The following SPATA21 variants were observed in gnomAD, a reference collection of about 807,000 sequenced individuals.
SPATA21 encodes spermatogenesis associated 21.
In SPATA21, 47 loss-of-function variants were observed where a neutral mutation model predicts 54.8. The ratio of observed to expected loss-of-function variants is 0.86; its 90% confidence interval spans 0.68 to 1.09. The LOEUF is 1.09. Among genes scored for constraint, SPATA21 ranks in the 50% least tolerant of loss-of-function variants. SPATA21 has a pLI of 0.00. For synonymous variants in SPATA21, 245 were observed against 235.3 expected (o/e 1.04, Z -0.38); for missense variants, 599 against 596.4 (o/e 1.00, Z -0.05).
chr1:16,420,602 C>T (rs78003848), intron 5 of SPATA21, among the ~76,000 whole-genome samples: 3,583 of 151,872 alleles, frequency 0.024, 133 homozygotes, highest in African/African-American at 0.079. Flanking sequence ...CCTGTAGTAA[C>T]GCAGAGAGGG....
At chr1:16,412,616 C>T (rs370934119) in intron 5 of SPATA21, among the ~76,000 whole-genome samples, 1 of 152,026 alleles carries the variant, frequency 6.6e-6, no homozygotes, top group East Asian at 1.9e-4. Flanking sequence ...GTGTGTACCA[C>T]CATGCCCGGC....
intron 5 of SPATA21, among the ~76,000 whole-genome samples, chr1:16,412,779 C>T (rs575317482): frequency 5.2e-4 from 79 of 150,876 alleles, no homozygotes; most frequent in Non-Finnish European, 6.3e-4. Flanking sequence ...ACCAACTTAA[C>T]GATTTTCTTT....
intron 5 of SPATA21, among the ~76,000 whole-genome samples, chr1:16,412,594 C>G (rs960198898): frequency 1.3e-5 from 2 of 152,058 alleles, no homozygotes; most frequent in Admixed American, 6.6e-5. Context: ...TCCCAAGTAG[C>G]TGGGATCACA....
intron 3 of SPATA21, among the ~76,000 whole-genome samples, chr1:16,423,862 CAT>C (rs1213115539): frequency 6.6e-6 from 1 of 151,936 alleles, no homozygotes; most frequent in Non-Finnish European, 1.5e-5. Context: ...CTCAAATAGT[CAT>C]GTGGAGTGAA....
chr1:16,431,284 T>G, intron 3 of SPATA21, 54 bp downstream of exon 3: 1 of 1,614,058 alleles, frequency 6.2e-7, no homozygotes, highest in Admixed American at 1.7e-5. Context: ...CCAGCCCTCT[T>G]TATGGTGATC....
At chr1:16,423,027 C>A (rs1024553130) in intron 3 of SPATA21, among the ~76,000 whole-genome samples, 1 of 151,632 alleles carries the variant, frequency 6.6e-6, no homozygotes, top group Non-Finnish European at 1.5e-5. Flanking sequence ...CATGGTGGCT[C>A]ATGTCTGTAA....
Position 16,421,250 on chromosome 1 carries a change from A to T in SPATA21, c.144+259T>A, listed in dbSNP as rs560884122. Among the ~76,000 whole-genome samples the T allele has an allele frequency of 8.9e-4, 135 of 152,196 alleles. 1 individual carries two copies. The highest frequency in any genetic ancestry group is 7.5e-4 in the Non-Finnish European group (51 of 67,984). ...GTGGAACAAGCCACCACCTGGGATG[A>T]ACCCAAGGGCTCCAGAGTGTAAGAG... On this transcript the variant is annotated intron_variant, in intron 5 of 12. Transcript: ENST00000335496. This position sits in a 1 kb window ranked among gnomAD's most constrained non-coding sequence, Gnocchi z 5.2.
chr1:16,398,728 G>A lies in SPATA21; in HGVS notation c.*37C>T. ...TGCCTGGTGGCCCATCTGTCTACAG[G>A]CCTTGAGCAGCTGCCTAGAGTCAGG... On this transcript the variant is annotated 3_prime_UTR_variant, in exon 13 of 13. Transcript: ENST00000335496. 4 of 1,612,806 alleles carry A rather than the reference G, an allele frequency of 2.5e-6. No individual in the cohort carries two copies. The highest frequency in any genetic ancestry group is 3.4e-6 in the Non-Finnish European group (4 of 1,178,922).
At chr1:16,431,987 A>G (rs1018157116) in intron 2 of SPATA21, among the ~76,000 whole-genome samples, 3 of 152,172 alleles carry the variant, frequency 2.0e-5, no homozygotes, top group Admixed American at 2.0e-4. Context: ...AACAAGAACT[A>G]GGGACATCTG....
chr1:16,400,048 CAG>C (rs1208946965), intron 11 of SPATA21, among the ~76,000 whole-genome samples: 1 of 151,042 alleles, frequency 6.6e-6, no homozygotes, highest in Non-Finnish European at 1.5e-5. Context: ...TTTTTTGAGA[CAG>C]AGTTTTGCTC....
chr1:16,437,050 G>A (rs1245012284), intron 1 of SPATA21, 78 bp downstream of exon 1: 1 of 152,138 alleles, frequency 6.6e-6, no homozygotes, highest in Non-Finnish European at 1.5e-5. Context: ...ATAAAGATAA[G>A]TGGCATATCA....
At chr1:16,411,809 CAA>C (rs1557656224) in intron 5 of SPATA21, among the ~76,000 whole-genome samples, 1 of 22,382 alleles carries the variant, frequency 4.5e-5, no homozygotes, top group Non-Finnish European at 1.1e-4. Flanking sequence ...AAAAAAAAAA[CAA>C]AACAAAACAA....
At chr1:16,403,370 A>C (rs558406384) in intron 10 of SPATA21, among the ~76,000 whole-genome samples, 2 of 152,298 alleles carry the variant, frequency 1.3e-5, no homozygotes, top group East Asian at 1.9e-4. Context: ...TGGAGAGAGA[A>C]AGCCTTACTG....
chr1:16,422,628 C>T (rs1244640721), intron 3 of SPATA21, among the ~76,000 whole-genome samples: 1 of 151,858 alleles, frequency 6.6e-6, no homozygotes, highest in Non-Finnish European at 1.5e-5. Flanking sequence ...GCTTCAGCCT[C>T]CCAAGTAGCT....
chr1:16,403,519 C>G (rs1466048519), intron 10 of SPATA21, among the ~76,000 whole-genome samples: 1 of 136,794 alleles, frequency 7.3e-6, no homozygotes, highest in Non-Finnish European at 1.5e-5. Context: ...GACAGAGTCT[C>G]ACTCTGTCAC....
intron 7 of SPATA21, among the ~76,000 whole-genome samples, chr1:16,406,792 AG>A (rs1324766427): frequency 6.6e-6 from 1 of 152,180 alleles, no homozygotes; most frequent in Non-Finnish European, 1.5e-5. Flanking sequence ...CAGAGATACC[AG>A]GGTTGCCCAT....
intron 3 of SPATA21, 36 bp from the exon 4 acceptor site, chr1:16,422,007 T>C: frequency 1.2e-6 from 2 of 1,614,154 alleles, no homozygotes; most frequent in Non-Finnish European, 8.5e-7. Flanking sequence ...CATTGCTTCC[T>C]GAGAGCTGTC....
chr1:16,403,622 C>A, intron 10 of SPATA21, 105 bp downstream of exon 10: 1 of 1,009,856 alleles, frequency 9.9e-7, no homozygotes, highest in Non-Finnish European at 1.5e-6. Flanking sequence ...CAGTTTCTTT[C>A]ACTTGTGACT....
chr1:16,421,418 G>A lies in SPATA21; in HGVS notation c.144+91C>T. On this transcript the variant is annotated intron_variant, in intron 5 of 12. Coordinates refer to ENST00000335496, the MANE Select transcript of SPATA21 (RefSeq NM_198546.1). This position sits in a 1 kb window ranked among gnomAD's most constrained non-coding sequence, Gnocchi z 5.2. ...TTGACTCCAAATAGGGGTTTGACGT[G>A]CCACATCCGCTTCTGCCCTCTTCCT... 1.5e-6 allele frequency: 2 copies of A among 1,298,352 alleles called. No homozygotes were observed. The highest frequency in any genetic ancestry group is 2.1e-6 in the Non-Finnish European group (2 of 943,564). 80.4% of individuals were successfully genotyped at this position (1,298,352 alleles called of 1,614,324 possible). A position where few individuals can be genotyped will look rare whatever the true frequency, so the allele number is the denominator to read the frequency against.
Sources: allele counts gnomAD v4.1 joint callset (sites outside exome capture counted in the v4.1 genomes callset), GRCh38; gene constraint gnomAD v4.1.1; non-coding constraint Gnocchi (gnomAD v3.1); transcripts MANE v1.5; gene names NCBI Gene and HGNC (gene_info 2026-07-23, HGNC 2026-07-21).